The following QTMAN variants were observed in gnomAD, a reference collection of about 807,000 sequenced individuals.
QTMAN encodes the protein tRNA-queuosine alpha-mannosyltransferase.
the QTMAN span, among the ~76,000 whole-genome samples, chr2:144,162,653 C>T: frequency 2.6e-5 from 4 of 151,874 alleles, no homozygotes; most frequent in Non-Finnish European, 4.4e-5. Context: ...AAAGTAAAGG[C>T]CTAGGGCTGA....
the QTMAN span, among the ~76,000 whole-genome samples, chr2:144,122,190 C>G: frequency 4.6e-5 from 7 of 152,102 alleles, no homozygotes; most frequent in East Asian, 1.4e-3. Flanking sequence ...TTCCATTTAG[C>G]TTGGAAAGAC....
the QTMAN span, among the ~76,000 whole-genome samples, chr2:144,185,110 A>G: frequency 6.6e-6 from 1 of 152,176 alleles, no homozygotes. Flanking sequence ...ACTATTTATG[A>G]GGCACTCACA....
At chr2:144,016,019 T>G in the QTMAN span, among the ~76,000 whole-genome samples, 1 of 152,222 alleles carries the variant, frequency 6.6e-6, no homozygotes, top group East Asian at 1.9e-4. Flanking sequence ...CTTGCTCCCC[T>G]ACATGATGTC....
At chr2:144,256,812 G>A in the QTMAN span, among the ~76,000 whole-genome samples, 1 of 151,726 alleles carries the variant, frequency 6.6e-6, no homozygotes, top group African/African-American at 2.4e-5. Flanking sequence ...AAACCACCAT[G>A]GCACATGTAC....
the QTMAN span, among the ~76,000 whole-genome samples, chr2:144,148,976 T>C: frequency 6.6e-6 from 1 of 151,884 alleles, no homozygotes; most frequent in Admixed American, 6.6e-5. Flanking sequence ...AAGTGGTCAA[T>C]AAGCAATTTC....
the QTMAN span, among the ~76,000 whole-genome samples, chr2:144,080,011 T>C: frequency 6.6e-6 from 1 of 152,110 alleles, no homozygotes; most frequent in Non-Finnish European, 1.5e-5. Flanking sequence ...AAATTTTCCA[T>C]ACATCCTTTA....
At chr2:144,257,030 A>C in the QTMAN span, among the ~76,000 whole-genome samples, 8 of 152,114 alleles carry the variant, frequency 5.3e-5, no homozygotes, top group African/African-American at 1.9e-4. Flanking sequence ...ATAGCAAATA[A>C]ACTAAAAAAA....
At chr2:144,305,736 T>C in the QTMAN span, among the ~76,000 whole-genome samples, 1 of 152,224 alleles carries the variant, frequency 6.6e-6, no homozygotes, top group South Asian at 2.1e-4. Context: ...ACATGGGATG[T>C]CTAATTCTTT....
At chr2:144,265,058 A>G in the QTMAN span, among the ~76,000 whole-genome samples, 1 of 152,250 alleles carries the variant, frequency 6.6e-6, no homozygotes, top group African/African-American at 2.4e-5. Context: ...TCTACTTGAC[A>G]GTTGTATTTC....
At chr2:144,182,900 A>T in the QTMAN span, among the ~76,000 whole-genome samples, 40 of 97,338 alleles carry the variant, frequency 4.1e-4, no homozygotes, top group South Asian at 2.1e-3. Flanking sequence ...ATATATATAT[A>T]TTATATATAT....
chr2:143,965,043 A>C, the QTMAN span, among the ~76,000 whole-genome samples: 2 of 151,758 alleles, frequency 1.3e-5, no homozygotes, highest in Non-Finnish European at 2.9e-5. Context: ...TGATATCTTA[A>C]GCATTTTGTT....
the QTMAN span, among the ~76,000 whole-genome samples, chr2:144,228,925 T>G: frequency 3.3e-5 from 5 of 152,096 alleles, 1 homozygote; most frequent in East Asian, 9.7e-4. Context: ...GCCACTGCAC[T>G]CCAGCTTTGG....
the QTMAN span, among the ~76,000 whole-genome samples, chr2:144,118,801 A>C: frequency 6.6e-6 from 1 of 152,210 alleles, no homozygotes; most frequent in Admixed American, 6.5e-5. Flanking sequence ...GAATGGTGTG[A>C]ACCTGGGAGG....
At chr2:144,195,635 T>C in the QTMAN span, among the ~76,000 whole-genome samples, 1 of 152,170 alleles carries the variant, frequency 6.6e-6, no homozygotes, top group Admixed American at 6.6e-5. Context: ...TATGTGTATG[T>C]GTACGTATGT....
At chr2:143,959,783 T>A in the QTMAN span, among the ~76,000 whole-genome samples, 1 of 152,114 alleles carries the variant, frequency 6.6e-6, no homozygotes, top group South Asian at 2.1e-4. Context: ...TAAATAAATA[T>A]ATCAAAATGG....
the QTMAN span, among the ~76,000 whole-genome samples, chr2:144,143,130 G>A: frequency 6.6e-6 from 1 of 151,974 alleles, no homozygotes; most frequent in Non-Finnish European, 1.5e-5. Context: ...TATGTTGAAG[G>A]TAGGTTAGGC....
At chr2:144,253,011 C>T in the QTMAN span, among the ~76,000 whole-genome samples, 58 of 152,236 alleles carry the variant, frequency 3.8e-4, 1 homozygote, top group African/African-American at 1.2e-3. Context: ...TTATAGTTCC[C>T]ATAATCCCCA....
chr2:144,208,531 G>T, the QTMAN span: 1 of 1,257,094 alleles, frequency 8.0e-7, no homozygotes. Flanking sequence ...CAAAGATACT[G>T]ATGGAGAAGC....
At chr2:144,247,060 G>T in the QTMAN span, among the ~76,000 whole-genome samples, 1 of 152,064 alleles carries the variant, frequency 6.6e-6, no homozygotes, top group Non-Finnish European at 1.5e-5. Context: ...AATACTACAG[G>T]AAACATAAAC....
Sources: allele counts gnomAD v4.1 joint callset (sites outside exome capture counted in the v4.1 genomes callset), GRCh38; gene constraint gnomAD v4.1.1; transcripts MANE v1.5; gene names NCBI Gene and HGNC (gene_info 2026-07-23, HGNC 2026-07-21).